The following CA10 variants were observed in gnomAD, a reference collection of about 807,000 sequenced individuals.
The protein encoded by CA10 is carbonic anhydrase 10 (inactive), also known as carbonic anhydrase-related protein 10.
In CA10, 14 loss-of-function variants were observed where a neutral mutation model predicts 44.2. That is an observed-to-expected ratio of 0.32 (90% CI 0.21 to 0.50). CA10 has a LOEUF of 0.50. CA10 is among the 20% of genes least tolerant of loss of function. CA10 has a pLI of 0.99. For missense variants in CA10, 350 were observed against 409.7 expected (o/e 0.85, Z 1.26); for synonymous variants, 159 against 141.6 (o/e 1.12, Z -0.87).
chr17:51,848,451 A>G (rs368861757), intron 3 of CA10, among the ~76,000 whole-genome samples: 3 of 152,194 alleles, frequency 2.0e-5, no homozygotes, highest in South Asian at 2.1e-4. Flanking sequence ...TCATATACTC[A>G]TTCAGCAAGC....
chr17:52,101,230 T>C (rs911844971), intron 1 of CA10, among the ~76,000 whole-genome samples: 4 of 152,190 alleles, frequency 2.6e-5, no homozygotes, highest in African/African-American at 9.6e-5. Flanking sequence ...AATGAAAACA[T>C]GTATCTGACT....
At chr17:51,996,100 A>G (rs925182586) in intron 2 of CA10, among the ~76,000 whole-genome samples, 2 of 152,056 alleles carry the variant, frequency 1.3e-5, no homozygotes, top group Non-Finnish European at 2.9e-5. Context: ...TCAGTAATAA[A>G]TAAAGCATTT....
intron 6 of CA10, among the ~76,000 whole-genome samples, chr17:51,648,784 G>A (rs1555579290): frequency 3.9e-5 from 6 of 152,114 alleles, no homozygotes; most frequent in Non-Finnish European, 8.8e-5. Context: ...AAATGGTCTA[G>A]CCGAGGGCTT....
At chr17:52,085,587 A>G (rs1988096258) in intron 1 of CA10, among the ~76,000 whole-genome samples, 1 of 152,202 alleles carries the variant, frequency 6.6e-6, no homozygotes, top group Non-Finnish European at 1.5e-5. Flanking sequence ...GGTGTGGTTA[A>G]CTTATCTGTT....
intron 3 of CA10, among the ~76,000 whole-genome samples, chr17:51,903,998 G>T (rs1166736877): frequency 6.6e-6 from 1 of 151,694 alleles, no homozygotes; most frequent in African/African-American, 2.4e-5. Context: ...GTATGGTCTG[G>T]TGTGCATGTA....
At chr17:51,973,354 G>C (rs564795116) in intron 2 of CA10, among the ~76,000 whole-genome samples, 2 of 152,276 alleles carry the variant, frequency 1.3e-5, no homozygotes, top group South Asian at 2.1e-4. Flanking sequence ...GATTGTGAGG[G>C]GCAGGAATCT....
intron 4 of CA10, among the ~76,000 whole-genome samples, chr17:51,723,646 G>A (rs191892642): frequency 2.6e-5 from 4 of 152,232 alleles, no homozygotes; most frequent in African/African-American, 7.2e-5. Flanking sequence ...CCTTTGATGG[G>A]GAAAAAGCAG....
intron 3 of CA10, among the ~76,000 whole-genome samples, chr17:51,856,629 G>C (rs996382978): frequency 6.6e-6 from 1 of 152,190 alleles, no homozygotes; most frequent in Non-Finnish European, 1.5e-5. Flanking sequence ...GAGGAATACA[G>C]AGCTGAATAT....
chr17:52,096,452 A>G (rs1193836056), intron 1 of CA10, among the ~76,000 whole-genome samples: 1 of 152,196 alleles, frequency 6.6e-6, no homozygotes, highest in Admixed American at 6.5e-5. Flanking sequence ...ACTCTGGTAC[A>G]TCCGATTACA....
intron 1 of CA10, among the ~76,000 whole-genome samples, chr17:52,083,638 G>A (rs1444333667): frequency 2.0e-5 from 3 of 151,062 alleles, no homozygotes; most frequent in African/African-American, 7.3e-5. Context: ...ATAGCTTATA[G>A]CTCTCACTTA....
chr17:51,747,600 A>C (rs1481122109), intron 4 of CA10, 33 bp downstream of exon 4: 1 of 1,558,084 alleles, frequency 6.4e-7, no homozygotes, highest in Non-Finnish European at 8.7e-7. Flanking sequence ...ATAAGTTGAC[A>C]TTTAACCTTA....
chr17:51,725,493 C>A (rs1266934344), intron 4 of CA10, among the ~76,000 whole-genome samples: 4 of 152,176 alleles, frequency 2.6e-5, no homozygotes, highest in Non-Finnish European at 5.9e-5. Context: ...TCCCAGTAAC[C>A]CTCTCTGTGG....
At chr17:51,937,596 T>C (rs947619784) in intron 2 of CA10, among the ~76,000 whole-genome samples, 6 of 152,108 alleles carry the variant, frequency 3.9e-5, no homozygotes, top group African/African-American at 1.4e-4. Flanking sequence ...ATTTAACCCA[T>C]AATCATTAAT....
At chr17:51,679,647 A>G (rs1030106307) in intron 4 of CA10, among the ~76,000 whole-genome samples, 2 of 149,946 alleles carry the variant, frequency 1.3e-5, no homozygotes, top group African/African-American at 4.9e-5. Context: ...GCAACCTCCA[A>G]CCCCTGGGTT....
chr17:51,869,938 G>T (rs1457556019), intron 3 of CA10, among the ~76,000 whole-genome samples: 3 of 152,096 alleles, frequency 2.0e-5, no homozygotes, highest in Non-Finnish European at 4.4e-5. Context: ...AACATCCCTG[G>T]CAATATCATG....
intron 3 of CA10, among the ~76,000 whole-genome samples, chr17:51,882,709 A>AG (rs1980430346): frequency 6.6e-6 from 1 of 152,046 alleles, no homozygotes; most frequent in African/African-American, 2.4e-5. Context: ...TCTTGTTCCT[A>AG]CACAAACAAC....
chr17:51,881,174 A>G (rs867213268), intron 3 of CA10, among the ~76,000 whole-genome samples: 1 of 146,906 alleles, frequency 6.8e-6, no homozygotes, highest in Non-Finnish European at 1.5e-5. Context: ...TGGGAGGCGG[A>G]GCTTGAAATG....
chr17:52,066,880 A>T (rs1987551510), intron 2 of CA10, among the ~76,000 whole-genome samples: 1 of 152,226 alleles, frequency 6.6e-6, no homozygotes, highest in African/African-American at 2.4e-5. Flanking sequence ...ATTTCTAAGC[A>T]GAAAACCATT....
Position 51,725,917 on chromosome 17 carries a change from C to T in CA10, c.465+21716G>A, listed in dbSNP as rs373275484. On this transcript the variant is annotated intron_variant, in intron 4 of 8. Transcript: ENST00000451037. ...TGGGGGTGGGAAGACCCTCTAGGTA[C>T]AAAAAAATGTGAAGTGTAATGAGAA... Among the ~76,000 whole-genome samples the T allele has an allele frequency of 7.2e-5, 11 of 152,134 alleles. No homozygotes were observed. The East Asian group carries it at 1.7e-3, about 24-fold the overall frequency.
Sources: allele counts gnomAD v4.1 joint callset (sites outside exome capture counted in the v4.1 genomes callset), GRCh38; gene constraint gnomAD v4.1.1; transcripts MANE v1.5; gene names NCBI Gene and HGNC (gene_info 2026-07-23, HGNC 2026-07-21).